The following UBTD2 variants were observed in gnomAD, a reference collection of about 807,000 sequenced individuals.
The protein encoded by UBTD2 is ubiquitin domain-containing protein 2.
Under a neutral mutation model 19.8 loss-of-function variants are expected in UBTD2, and 9 were observed. The ratio of observed to expected loss-of-function variants is 0.46; its 90% confidence interval spans 0.27 to 0.79. UBTD2 has a LOEUF of 0.79. Ranked by LOEUF, UBTD2 falls within the 30% of genes least tolerant of loss-of-function variation. UBTD2 has a pLI of 0.14. For synonymous variants in UBTD2, 98 were observed against 103.9 expected (o/e 0.94, Z 0.35); for missense variants, 250 against 300.4 (o/e 0.83, Z 1.24).
chr5:172,256,220 ACT>A (rs1254187422), intron 1 of UBTD2, among the ~76,000 whole-genome samples: 1 of 152,218 alleles, frequency 6.6e-6, no homozygotes, highest in African/African-American at 2.4e-5. Flanking sequence ...CAGTAAAGCC[ACT>A]CTATTAAGTC....
chr5:172,215,908 G>C (rs1248742828), intron 2 of UBTD2, among the ~76,000 whole-genome samples: 1 of 152,136 alleles, frequency 6.6e-6, no homozygotes, highest in East Asian at 1.9e-4. Flanking sequence ...AGACAAAAAA[G>C]ACCAAAAAAC....
chr5:172,281,551 G>A (rs557458974), intron 1 of UBTD2, among the ~76,000 whole-genome samples: 5 of 152,242 alleles, frequency 3.3e-5, no homozygotes, highest in African/African-American at 1.2e-4. Context: ...CACTACCACA[G>A]TATGTTTGAA....
chr5:172,282,199 T>C (rs1218833213), intron 1 of UBTD2, among the ~76,000 whole-genome samples: 1 of 152,240 alleles, frequency 6.6e-6, no homozygotes, highest in African/African-American at 2.4e-5. Flanking sequence ...TTCATTTTGA[T>C]CCTTCAATTT....
chr5:172,222,198 G>A (rs1365694584), intron 2 of UBTD2, among the ~76,000 whole-genome samples: 1 of 152,190 alleles, frequency 6.6e-6, no homozygotes, highest in Admixed American at 6.5e-5. Flanking sequence ...CCTATTCAGA[G>A]CAGACTGGCC....
intron 1 of UBTD2, among the ~76,000 whole-genome samples, chr5:172,250,477 T>C (rs1338717633): frequency 6.6e-6 from 1 of 152,118 alleles, no homozygotes; most frequent in East Asian, 1.9e-4. Context: ...CATTCAAATT[T>C]ATAGACATGT....
chr5:172,241,615 GT>G (rs1772129035), intron 1 of UBTD2, among the ~76,000 whole-genome samples: 1 of 152,154 alleles, frequency 6.6e-6, no homozygotes, highest in South Asian at 2.1e-4. Flanking sequence ...ATATAATATA[GT>G]TTGATATCTG....
chr5:172,232,391 T>G (rs527849939), intron 2 of UBTD2, among the ~76,000 whole-genome samples: 78 of 151,790 alleles, frequency 5.1e-4, no homozygotes, highest in African/African-American at 1.7e-3. Context: ...GGATCACTTT[T>G]ATACATGTAT....
intron 2 of UBTD2, among the ~76,000 whole-genome samples, chr5:172,229,481 A>G (rs925378559): frequency 3.0e-5 from 4 of 132,344 alleles, no homozygotes; most frequent in African/African-American, 1.2e-4. Flanking sequence ...AGCCTGGGCG[A>G]CAGAGCAAGA....
chr5:172,263,523 G>T (rs1026408709), intron 1 of UBTD2, among the ~76,000 whole-genome samples: 5 of 152,174 alleles, frequency 3.3e-5, no homozygotes, highest in African/African-American at 1.2e-4. Flanking sequence ...GGCCGGGTGC[G>T]GTGGCTCACG....
chr5:172,219,739 A>C (rs79233592), intron 2 of UBTD2, among the ~76,000 whole-genome samples: 1 of 152,346 alleles, frequency 6.6e-6, no homozygotes, highest in African/African-American at 2.4e-5. Context: ...AAGAAGGAAA[A>C]AAAACTCATG....
chr5:172,232,340 CT>C (rs757418732), intron 2 of UBTD2, among the ~76,000 whole-genome samples: 3 of 146,742 alleles, frequency 2.0e-5, no homozygotes, highest in Non-Finnish European at 4.5e-5. Context: ...AAAAGTCACA[CT>C]GAAAATGGCA....
At position 172,278,573 on chromosome 5, in the gene UBTD2, A is replaced by G. The variant is rs149615461; in HGVS notation, c.70+5023T>C. ...ACAATGGAATATTATTTAGCCATAAAAAGGATAGAGTACAAATACATGCTA... is the reference window on the plus strand; with the variant it reads ...ACAATGGAATATTATTTAGCCATAAGAAGGATAGAGTACAAATACATGCTA... On this transcript the variant is annotated intron_variant, in intron 1 of 2. Coordinates refer to ENST00000393792, the MANE Select transcript of UBTD2 (RefSeq NM_152277.3). Among the ~76,000 whole-genome samples, 724 of 152,266 alleles carry G rather than the reference A, an allele frequency of 4.8e-3. 6 individuals carry two copies. The highest frequency in any genetic ancestry group is 0.016 in the African/African-American group (679 of 41,560).
At chr5:172,239,577 C>T (rs910728104) in intron 1 of UBTD2, among the ~76,000 whole-genome samples, 26 of 152,020 alleles carry the variant, frequency 1.7e-4, no homozygotes, top group South Asian at 2.1e-4. Flanking sequence ...CCTGCCACCA[C>T]GCCTAGCTGA....
At position 172,277,878 on chromosome 5, in the gene UBTD2, C is replaced by CA. The variant is rs796515186; in HGVS notation, c.70+5717dup. ...AAAAAAAAAAAAAAGCCAAATAACT[C>CA]AAAAAATGAGCAAAGGGCATAAATA... On this transcript the variant is annotated intron_variant, in intron 1 of 2. Transcript: ENST00000393792. Among the ~76,000 whole-genome samples the CA allele has an allele frequency of 3.4e-5, 5 of 145,500 alleles. No homozygotes were observed. The South Asian group carries it at 8.5e-4, about 25-fold the overall frequency.
intron 1 of UBTD2, among the ~76,000 whole-genome samples, chr5:172,278,145 C>A (rs1007001624): frequency 6.6e-6 from 1 of 152,048 alleles, no homozygotes; most frequent in Non-Finnish European, 1.5e-5. Context: ...ACCATATGAC[C>A]CATTAATTCC....
chr5:172,227,330 C>G (rs541386654), intron 2 of UBTD2, among the ~76,000 whole-genome samples: 1 of 152,270 alleles, frequency 6.6e-6, no homozygotes, highest in Admixed American at 6.5e-5. Flanking sequence ...ATTTATAACC[C>G]TGAACTATTT....
At chr5:172,274,728 C>T (rs992126367) in intron 1 of UBTD2, among the ~76,000 whole-genome samples, 3 of 152,080 alleles carry the variant, frequency 2.0e-5, no homozygotes, top group Admixed American at 6.6e-5. Context: ...TGTATTAGTC[C>T]GTTCTCATGC....
intron 1 of UBTD2, among the ~76,000 whole-genome samples, chr5:172,270,592 G>T (rs1469302784): frequency 6.6e-6 from 1 of 151,952 alleles, no homozygotes; most frequent in Admixed American, 6.6e-5. Context: ...CTGACCTCGT[G>T]ATCTGCCTAC....
In UBTD2 at chr5:172,225,084, G is replaced by T. The variant is rs974701906; in HGVS notation, c.307+9038C>A. Among the ~76,000 whole-genome samples the T allele has an allele frequency of 5.4e-5, 8 of 147,060 alleles. No homozygotes were observed. The East Asian group carries it at 1.6e-3, about 29-fold the overall frequency. On this transcript the variant is annotated intron_variant, in intron 2 of 2. Coordinates refer to ENST00000393792, the MANE Select transcript of UBTD2 (RefSeq NM_152277.3). ...CCTAACATCCTCTGTGGAAGGACAGGTTTTTTTTTTTTCTTCTCACAAACC... is the reference window on the plus strand; with the variant it reads ...CCTAACATCCTCTGTGGAAGGACAGTTTTTTTTTTTTTCTTCTCACAAACC...
Sources: allele counts gnomAD v4.1 joint callset (sites outside exome capture counted in the v4.1 genomes callset), GRCh38; gene constraint gnomAD v4.1.1; transcripts MANE v1.5; gene names NCBI Gene and HGNC (gene_info 2026-07-23, HGNC 2026-07-21).